The following GLIS1 variants were observed in gnomAD, a reference collection of about 807,000 sequenced individuals.
GLIS1 encodes zinc finger protein GLIS1.
GLIS1 carries 24 observed loss-of-function variants against 63.8 expected under a neutral mutation model. The observed-to-expected ratio is 0.38, with a 90% CI of 0.27 to 0.53. GLIS1 has a LOEUF of 0.53. Among genes scored for constraint, GLIS1 ranks in the 20% least tolerant of loss-of-function variants. The pLI is 0.85. For missense variants in GLIS1, 1,036 were observed against 1,074.1 expected (o/e 0.96, Z 0.50); for synonymous variants, 450 against 482.5 (o/e 0.93, Z 0.88).
intron 2 of GLIS1, among the ~76,000 whole-genome samples, chr1:53,626,900 G>A (rs12405264): frequency 0.18 from 26,992 of 152,218 alleles, 2,822 homozygotes; most frequent in Non-Finnish European, 0.24. Context: ...ATTCATTTTC[G>A]CTGAATAAAT....
chr1:53,575,164 T>A (rs575743041), intron 4 of GLIS1, among the ~76,000 whole-genome samples: 1 of 152,112 alleles, frequency 6.6e-6, no homozygotes, highest in Non-Finnish European at 1.5e-5. Context: ...CTGTGAGTTA[T>A]CAAGAACGGA....
At chr1:53,576,721 C>T (rs571541011) in intron 4 of GLIS1, among the ~76,000 whole-genome samples, 1 of 152,278 alleles carries the variant, frequency 6.6e-6, no homozygotes, top group East Asian at 1.9e-4. Flanking sequence ...CATATGCACA[C>T]ATACTCGTGC....
chr1:53,652,104 A>G (rs908561013), intron 2 of GLIS1, among the ~76,000 whole-genome samples: 12 of 152,204 alleles, frequency 7.9e-5, no homozygotes, highest in Non-Finnish European at 1.5e-4. Flanking sequence ...CAGGGTTTAA[A>G]TCTCAGATAT....
rs76429627 is a variant in GLIS1, at chr1:53,552,614, G to A, written c.1321-22662C>T. ...TTGGAGAAGAAAAGCAAACATTCCCGTGGCCTAATAGAAACACTTGCCCTC... is the reference window on the plus strand; with the variant it reads ...TTGGAGAAGAAAAGCAAACATTCCCATGGCCTAATAGAAACACTTGCCCTC... On this transcript the variant is annotated intron_variant, in intron 4 of 10. Transcript: ENST00000628545. Among the ~76,000 whole-genome samples the A allele has an allele frequency of 4.7e-3, 711 of 152,266 alleles. 5 individuals are homozygous for A. Among genetic ancestry groups the A allele is most frequent in the African/African-American group, 0.017 (697 of 41,546 alleles).
At chr1:53,682,225 G>A (rs553068078) in intron 2 of GLIS1, among the ~76,000 whole-genome samples, 31 of 152,288 alleles carry the variant, frequency 2.0e-4, no homozygotes, top group Admixed American at 1.1e-3. Context: ...CTCCAGACCC[G>A]CTTGCAGCCA....
chr1:53,557,871 G>A (rs1186122944), intron 4 of GLIS1, among the ~76,000 whole-genome samples: 2 of 152,098 alleles, frequency 1.3e-5, no homozygotes, highest in African/African-American at 2.4e-5. Flanking sequence ...CATTCCATAT[G>A]CCCCTCTGAA....
chr1:53,600,895 C>A (rs1186310321), intron 2 of GLIS1, among the ~76,000 whole-genome samples: 1 of 152,218 alleles, frequency 6.6e-6, no homozygotes, highest in Non-Finnish European at 1.5e-5. Flanking sequence ...TGCCTCATGC[C>A]CTGCCTCGCC....
intron 2 of GLIS1, among the ~76,000 whole-genome samples, chr1:53,728,757 G>A (rs1281986698): frequency 6.6e-6 from 1 of 152,234 alleles, no homozygotes; most frequent in Non-Finnish European, 1.5e-5. Flanking sequence ...CAGGTAAAGA[G>A]TAAATTCCAG....
chr1:53,633,320 G>T (rs982522261), intron 2 of GLIS1, among the ~76,000 whole-genome samples: 2 of 147,932 alleles, frequency 1.4e-5, no homozygotes, highest in Non-Finnish European at 3.0e-5. Context: ...TGACTGGGGG[G>T]CGTGTGAATG....
chr1:53,597,623 G>A (rs1028196627), intron 3 of GLIS1, among the ~76,000 whole-genome samples: 23 of 152,220 alleles, frequency 1.5e-4, no homozygotes, highest in African/African-American at 4.1e-4. Context: ...GGCAGGCGCC[G>A]AGAGTGGAGA....
At chr1:53,650,589 CA>C (rs61374751) in intron 2 of GLIS1, among the ~76,000 whole-genome samples, 51,638 of 105,166 alleles carry the variant, frequency 0.49, 11,143 homozygotes, top group Admixed American at 0.58. Flanking sequence ...GACTTCATCT[CA>C]AAAAAAAAAA....
intron 2 of GLIS1, among the ~76,000 whole-genome samples, chr1:53,732,408 C>T (rs530590102): frequency 6.6e-6 from 1 of 152,040 alleles, no homozygotes; most frequent in Admixed American, 6.5e-5. Context: ...CCCCTCTTTT[C>T]TGCTTTCCTT....
intron 2 of GLIS1, among the ~76,000 whole-genome samples, chr1:53,717,868 A>C (rs751398193): frequency 3.9e-5 from 6 of 152,196 alleles, no homozygotes; most frequent in Non-Finnish European, 8.8e-5. Context: ...CAGGTGCTCA[A>C]CAAAAATGTA....
At chr1:53,690,609 G>A (rs28738074) in intron 2 of GLIS1, among the ~76,000 whole-genome samples, 2,395 of 152,302 alleles carry the variant, frequency 0.016, 58 homozygotes, top group African/African-American at 0.055. Context: ...AGAATGCCAG[G>A]GCCGTCTCTC....
At chr1:53,684,376 A>G (rs1262573729) in intron 2 of GLIS1, among the ~76,000 whole-genome samples, 8 of 152,146 alleles carry the variant, frequency 5.3e-5, no homozygotes, top group Admixed American at 5.2e-4. Context: ...AAAGCCTAGA[A>G]GCCTCTAGGG....
intron 6 of GLIS1, among the ~76,000 whole-genome samples, chr1:53,521,084 G>A (rs906572270): frequency 2.2e-4 from 33 of 152,186 alleles, no homozygotes; most frequent in Admixed American, 2.1e-3. Flanking sequence ...GGGGTCAAGC[G>A]GGAGCCTCCG....
At chr1:53,679,857 T>C (rs1252496746) in intron 2 of GLIS1, among the ~76,000 whole-genome samples, 1 of 152,210 alleles carries the variant, frequency 6.6e-6, no homozygotes, top group African/African-American at 2.4e-5. Flanking sequence ...CGTTGGTCCT[T>C]TCTTGTAAAG....
chr1:53,631,170 C>T (rs1235670062), intron 2 of GLIS1, among the ~76,000 whole-genome samples: 1 of 152,070 alleles, frequency 6.6e-6, no homozygotes, highest in African/African-American at 2.4e-5. Context: ...GTTGCAATTA[C>T]TTTTGTGATT....
At chr1:53,686,338 C>T (rs1025489583) in intron 2 of GLIS1, among the ~76,000 whole-genome samples, 1 of 152,192 alleles carries the variant, frequency 6.6e-6, no homozygotes, top group East Asian at 1.9e-4. Flanking sequence ...TTCTCCCCTC[C>T]GGCTCAGCCT....
Sources: gnomAD v4.1 joint callset for allele counts (sites outside exome capture counted in the v4.1 genomes callset) on GRCh38, gnomAD v4.1.1 for gene constraint, MANE v1.5 for transcripts, NCBI Gene and HGNC (gene_info 2026-07-23, HGNC 2026-07-21) for gene names.